The following CFAP58 variants were observed in gnomAD, a reference collection of about 807,000 sequenced individuals.
The protein encoded by CFAP58 is cilia and flagella associated protein 58.
A neutral mutation model predicts 119.5 loss-of-function variants in CFAP58; 88 were observed. That is an observed-to-expected ratio of 0.74 (90% confidence interval 0.62 to 0.88). The LOEUF (loss-of-function observed/expected upper bound fraction) is 0.88. Among genes scored for constraint, CFAP58 ranks in the 40% least tolerant of loss-of-function variants. The pLI, the probability that CFAP58 is intolerant of heterozygous loss-of-function variation, is 0.00. For synonymous variants in CFAP58, 365 were observed against 366.3 expected, an observed-to-expected ratio of 1.00 and a Z score of 0.04; for missense variants, 990 against 1,021.2, an observed-to-expected ratio of 0.97 and a Z score of 0.42.
At chr10:104,342,772 G>C in the CFAP58 span, among the ~76,000 whole-genome samples, 24 of 150,502 alleles carry the variant, frequency 1.6e-4, no homozygotes, top group African/African-American at 5.4e-4. Context: ...TTGAACCTGG[G>C]AGGTGGAGGT....
At chr10:104,361,165 T>G (rs115082615) in intron 2 of CFAP58, among the ~76,000 whole-genome samples, 1,740 of 152,338 alleles carry the variant, frequency 0.011, 44 homozygotes, top group African/African-American at 0.04. Flanking sequence ...ACTGTGCTTT[T>G]CTCCTTTACT....
At chr10:104,436,299 A>C (rs1191916216) in intron 15 of CFAP58, among the ~76,000 whole-genome samples, 1 of 152,242 alleles carries the variant, frequency 6.6e-6, no homozygotes, top group Non-Finnish European at 1.5e-5. Context: ...TAACATTTTT[A>C]TTAGTAGAAC....
rs753583456 is a variant in CFAP58 at position 104,454,509 on chromosome 10, G to T, written c.2598G>T (p.Arg866Ser). The T allele has an allele frequency of 6.8e-6, 11 of 1,613,518 alleles. No individual in the cohort carries two copies. The highest frequency in any genetic ancestry group is 9.3e-6 in the Non-Finnish European group (11 of 1,179,698). ...TTACTGGGGGCGGATTTCCTCTCAGGTCAACCAAAATGACGTTCTAACCTG... is the reference window on the plus strand; with the variant it reads ...TTACTGGGGGCGGATTTCCTCTCAGTTCAACCAAAATGACGTTCTAACCTG... ...PGFTGGGFPL[R>S]STKMTF Residue 866 changes from arginine to serine, a missense_variant, in exon 18 of 18, where the codon AGG becomes AGT. Physicochemically the swap from Arg to Ser is moderately radical, Grantham distance 110. Transcript: ENST00000369704.
intron 15 of CFAP58, among the ~76,000 whole-genome samples, chr10:104,425,177 G>A (rs903119965): frequency 6.6e-6 from 1 of 152,182 alleles, no homozygotes; most frequent in Non-Finnish European, 1.5e-5. Flanking sequence ...TGGTGGTGGT[G>A]TTGGTGTAGA....
At chr10:104,381,906 G>A (rs1418511664) in intron 9 of CFAP58, among the ~76,000 whole-genome samples, 1 of 152,172 alleles carries the variant, frequency 6.6e-6, no homozygotes, top group Non-Finnish European at 1.5e-5. Context: ...CATCTTAGAA[G>A]CTCCAGTGAT....
At chr10:104,364,519 A>T (rs1385184631) in intron 3 of CFAP58, among the ~76,000 whole-genome samples, 1 of 151,950 alleles carries the variant, frequency 6.6e-6, no homozygotes, top group African/African-American at 2.4e-5. Flanking sequence ...ATAAAAAAAT[A>T]AATTATACTA....
At chr10:104,385,322 G>A (rs959541929) in intron 9 of CFAP58, among the ~76,000 whole-genome samples, 3 of 152,130 alleles carry the variant, frequency 2.0e-5, no homozygotes, top group Non-Finnish European at 4.4e-5. Flanking sequence ...AGGACAAGGT[G>A]ACCCCAGTAG....
intron 8 of CFAP58, among the ~76,000 whole-genome samples, chr10:104,378,413 C>T (rs924978129): frequency 6.6e-6 from 1 of 152,152 alleles, no homozygotes; most frequent in Non-Finnish European, 1.5e-5. Flanking sequence ...TTTAATAGGC[C>T]TTTTACCTGA....
intron 9 of CFAP58, among the ~76,000 whole-genome samples, chr10:104,382,593 T>A (rs1439470785): frequency 2.6e-5 from 4 of 152,184 alleles, no homozygotes; most frequent in Admixed American, 6.5e-5. Flanking sequence ...TCCACCCACA[T>A]CTCATCTTGA....
Position 104,365,909 on chromosome 10 carries a change from C to T in CFAP58, c.693C>T (p.Asp231=), listed in dbSNP as rs770454415. Residue 231 remains aspartate, a synonymous_variant, in exon 5 of 18, where the codon GAC becomes GAT. Coordinates refer to ENST00000369704, the MANE Select transcript of CFAP58 (RefSeq NM_001008723.2). ...AAGAGCTCAAGCAGATTCAGGCAGA[C>T]ATGGACAGCAGGCAGACAGAAATAA... The part of the protein sequence containing the change: ...LEKELKQIQA[D]MDSRQTEIKA... 4.3e-6 allele frequency: 7 copies of T among 1,613,502 alleles called. No homozygotes were observed. The East Asian group carries it at 6.7e-5, about 15-fold the overall frequency.
At chr10:104,368,336 C>A in intron 5 of CFAP58, 87 bp from the exon 6 acceptor site, 1 of 1,301,760 alleles carries the variant, frequency 7.7e-7, no homozygotes, top group Non-Finnish European at 1.1e-6. Flanking sequence ...GTTATCTTCC[C>A]AGGAGGTTTG....
chr10:104,419,922 T>C (rs2012628135), intron 15 of CFAP58, among the ~76,000 whole-genome samples: 1 of 152,188 alleles, frequency 6.6e-6, no homozygotes, highest in Non-Finnish European at 1.5e-5. Context: ...GGAGGAAATA[T>C]ATAGGTCAAA....
At chr10:104,431,163 C>A (rs542103548) in intron 15 of CFAP58, among the ~76,000 whole-genome samples, 1 of 152,332 alleles carries the variant, frequency 6.6e-6, no homozygotes, top group African/African-American at 2.4e-5. Flanking sequence ...ATTAATCATT[C>A]ATTCGTTCTT....
intron 13 of CFAP58, among the ~76,000 whole-genome samples, 196 bp from the exon 14 acceptor site, chr10:104,403,533 A>T (rs1308000097): frequency 3.7e-5 from 5 of 133,372 alleles, no homozygotes; most frequent in African/African-American, 1.1e-4. Context: ...TTTTTTTGAA[A>T]GCTAAGCCAA....
chr10:104,423,116 C>A (rs917740302), intron 15 of CFAP58, among the ~76,000 whole-genome samples: 2 of 151,672 alleles, frequency 1.3e-5, no homozygotes, highest in Non-Finnish European at 2.9e-5. Flanking sequence ...ATTTTTTATT[C>A]CCTTTATTTA....
chr10:104,438,327 TTTTTTTGTTTTTTG>T (rs1186084299), intron 15 of CFAP58, among the ~76,000 whole-genome samples: 6 of 138,936 alleles, frequency 4.3e-5, no homozygotes, highest in Admixed American at 6.8e-5. Context: ...ATTTTTATTG[TTTTTTTGTTTTTTG>T]TTTTTTGTTT....
Position 104,445,334 on chromosome 10 carries a change from A to AC in CFAP58, c.2257-2364_2257-2363insC, listed in dbSNP as rs566029985. Among the ~76,000 whole-genome samples the AC allele has an allele frequency of 1.0e-3, 151 of 150,866 alleles. No individual in the cohort carries two copies. In the Middle Eastern group the frequency reaches 0.01, roughly 10 times the overall value. ...TGAGACCCGGTCTCAAAAAAAAAAA[A>AC]AACAACAACAACAACAAAAAACAAA... is the stretch of plus-strand genomic sequence containing the variant. On this transcript the variant is annotated intron_variant, in intron 15 of 17. Coordinates refer to ENST00000369704, the MANE Select transcript of CFAP58 (RefSeq NM_001008723.2).
At chr10:104,413,042 C>A (rs1294180450) in intron 15 of CFAP58, among the ~76,000 whole-genome samples, 1 of 152,196 alleles carries the variant, frequency 6.6e-6, no homozygotes, top group Non-Finnish European at 1.5e-5. Flanking sequence ...TCCTGTTAGA[C>A]TATAAGCTTC....
intron 7 of CFAP58, among the ~76,000 whole-genome samples, chr10:104,373,372 A>G (rs770127355): frequency 1.3e-5 from 2 of 152,156 alleles, no homozygotes; most frequent in Non-Finnish European, 2.9e-5. Context: ...GGTGGCTTAC[A>G]CCTATAATCC....
Sources: allele counts gnomAD v4.1 joint callset (sites outside exome capture counted in the v4.1 genomes callset), GRCh38; gene constraint gnomAD v4.1.1; transcripts MANE v1.5; gene names NCBI Gene and HGNC (gene_info 2026-07-23, HGNC 2026-07-21).